OTUD5: variants seen among roughly 807,000 people sequenced by gnomAD.
OTUD5 encodes OTU deubiquitinase 5, also known as OTU domain-containing protein 5.
Under a neutral mutation model 36.3 loss-of-function variants are expected in OTUD5, and 2 were observed. The ratio of observed to expected loss-of-function variants is 0.06; its 90% CI spans 0.02 to 0.17. OTUD5 has a LOEUF of 0.17. OTUD5 is among the 10% of genes least tolerant of loss of function. The probability of loss-of-function intolerance (pLI) is 1.00; values close to 1 mark genes in which losing one functional copy is unlikely to be tolerated. For missense variants in OTUD5, 233 were observed against 512.3 expected (o/e 0.45, Z 5.26); for synonymous variants, 234 against 214.9 (o/e 1.09, Z -0.78).
At chrX:48,957,784 C>A, upstream of OTUD5, 1 of 787,723 alleles carries the variant, frequency 1.3e-6, no homozygotes, top group African/African-American at 2.3e-5. Flanking sequence ...AGAGGAGAAC[C>A]CGGATGTAAA....
intron 2 of OTUD5, among the ~76,000 whole-genome samples, chrX:48,937,438 T>C (rs994469757): frequency 7.1e-5 from 8 of 111,933 alleles, no homozygotes; most frequent in Non-Finnish European, 1.1e-4. Context: ...AGAAAGCCCA[T>C]CTCCTATGGA....
intron 5 of OTUD5, among the ~76,000 whole-genome samples, chrX:48,932,149 CA>C (rs1557048973): frequency 1.3e-5 from 1 of 74,734 alleles, no homozygotes; most frequent in Admixed American, 1.8e-4. Flanking sequence ...AACTTCGTCT[CA>C]AAAAAAAGAT....
rs782497163 is a variant in OTUD5, at chrX:48,957,382, A to G, written c.189T>C (p.Ala63=). 1 of 1,112,365 alleles carries G rather than the reference A, an allele frequency of 9.0e-7. No individual in the cohort carries two copies. The highest frequency in any genetic ancestry group is 3.0e-5 in the Admixed American group (1 of 33,291). 91.7% of individuals were successfully genotyped at this position (1,112,365 alleles called of 1,213,427 possible). A position where few individuals can be genotyped will look rare whatever the true frequency, so the allele number is the denominator to read the frequency against. The change falls in exon 1 of 9, where the codon GCT becomes GCC. Residue 63 remains alanine (A), a synonymous_variant. Coordinates refer to ENST00000376488, the MANE Select transcript of OTUD5 (RefSeq NM_001136157.2). ...GTAGCGGGCCTTGAGGCGGTGGCGA[A>G]GCTCGCGGACGGGCCCCCACGACGC... ...DSGVVGARPR[A]SPPPQGPLPG... is the part of the protein sequence containing the mutation.
intron 5 of OTUD5, among the ~76,000 whole-genome samples, chrX:48,926,952 A>C (rs1469290106): frequency 1.8e-5 from 2 of 111,939 alleles, no homozygotes; most frequent in Non-Finnish European, 3.8e-5. Context: ...ATCCCAGGGA[A>C]TAAGTGCAAA....
intron 1 of OTUD5, among the ~76,000 whole-genome samples, chrX:48,953,423 G>A (rs1292543194): frequency 9.0e-6 from 1 of 111,387 alleles, no homozygotes; most frequent in Non-Finnish European, 1.9e-5. Flanking sequence ...GCCACCTCCA[G>A]GTCCAGAGAA....
At chrX:48,936,169 A>G (rs1308943934) in intron 2 of OTUD5, 3 of 110,033 alleles carry the variant, frequency 2.7e-5, no homozygotes, top group African/African-American at 9.9e-5. Context: ...AGTAAAAGAG[A>G]TAAGACACAC....
At chrX:48,933,489 C>T (rs1557049276) in intron 5 of OTUD5, among the ~76,000 whole-genome samples, 1 of 107,802 alleles carries the variant, frequency 9.3e-6, no homozygotes, top group Non-Finnish European at 1.9e-5. Context: ...AATCTTGGCT[C>T]ACTGCAACCT....
intron 2 of OTUD5, among the ~76,000 whole-genome samples, chrX:48,939,408 C>T (rs2063881338): frequency 9.0e-6 from 1 of 111,646 alleles, no homozygotes; most frequent in African/African-American, 3.3e-5. Flanking sequence ...ACCTTACCCT[C>T]CCCATACACA....
intron 2 of OTUD5, among the ~76,000 whole-genome samples, chrX:48,936,626 G>A (rs2063834328): frequency 9.0e-6 from 1 of 111,342 alleles, no homozygotes; most frequent in African/African-American, 3.3e-5. Flanking sequence ...ATAGACTTCT[G>A]CCCGACCACA....
intron 1 of OTUD5, among the ~76,000 whole-genome samples, chrX:48,949,504 C>A (rs782544238): frequency 9.1e-6 from 1 of 110,026 alleles, no homozygotes; most frequent in African/African-American, 3.3e-5. Context: ...ATGGTGAAAC[C>A]CTATCTCTAC....
intron 1 of OTUD5, among the ~76,000 whole-genome samples, chrX:48,950,931 C>T (rs958112844): frequency 9.0e-6 from 1 of 110,755 alleles, no homozygotes; most frequent in Non-Finnish European, 1.9e-5. Context: ...AACTAACACA[C>T]CCCCCTTGGT....
At chrX:48,942,232 T>TACACACACACACAC (rs1484692862) in intron 2 of OTUD5, among the ~76,000 whole-genome samples, 11 of 19,862 alleles carry the variant, frequency 5.5e-4, no homozygotes, top group Non-Finnish European at 6.9e-4. Flanking sequence ...GCTAGCTAGA[T>TACACACACACACAC]ACACACACAC....
chrX:48,940,700 CAG>C (rs2063905006), intron 2 of OTUD5: 1 of 111,817 alleles, frequency 8.9e-6, no homozygotes, highest in African/African-American at 3.3e-5. Flanking sequence ...GGGAGAGATG[CAG>C]AGTCATGTTT....
chrX:48,930,091 G>A (rs1177330264), intron 5 of OTUD5, among the ~76,000 whole-genome samples: 2 of 111,105 alleles, frequency 1.8e-5, no homozygotes, highest in Non-Finnish European at 1.9e-5. Flanking sequence ...GCGACAGAGC[G>A]AGACTCTGTC....
intron 1 of OTUD5, among the ~76,000 whole-genome samples, chrX:48,950,327 G>A (rs1217824681): frequency 9.1e-6 from 1 of 109,995 alleles, no homozygotes; most frequent in Non-Finnish European, 1.9e-5. Context: ...CATATACAGA[G>A]AAGGCGATGG....
At chrX:48,936,747 G>A (rs1557050058) in intron 2 of OTUD5, among the ~76,000 whole-genome samples, 1 of 112,003 alleles carries the variant, frequency 8.9e-6, no homozygotes, top group Non-Finnish European at 1.9e-5. Flanking sequence ...TGGATAGGCT[G>A]GGTAAGCCAG....
chrX:48,951,115 G>T (rs1193516658), intron 1 of OTUD5, among the ~76,000 whole-genome samples: 1 of 96,296 alleles, frequency 1.0e-5, no homozygotes, highest in African/African-American at 3.8e-5. Flanking sequence ...CCTGCCTATG[G>T]ATGGATGAGC....
rs1557055619 is a variant in OTUD5 at position 48,957,109 on chromosome X, T to C, written c.462A>G (p.Gln154=). The C allele has an allele frequency of 1.7e-6, 2 of 1,174,151 alleles. No homozygotes were observed. Residue 154 remains glutamine, a synonymous_variant, in exon 1 of 9, where the codon CAA becomes CAG. Coordinates refer to ENST00000376488, the MANE Select transcript of OTUD5 (RefSeq NM_001136157.2). ...CGCCAACCGCGCCAACCCCGGGAGC[T>C]TGACGTCGCCGCTTGCTGTGCCCAG... ...SGPGHSKRRR[Q]APGVGAVGGG...
intron 5 of OTUD5, among the ~76,000 whole-genome samples, chrX:48,929,339 G>T (rs782608660): frequency 1.8e-5 from 2 of 110,143 alleles, no homozygotes; most frequent in South Asian, 7.6e-4. Flanking sequence ...AGTGAGCCGA[G>T]ATCGCACCAC....
Sources: gnomAD v4.1 joint callset for allele counts (sites outside exome capture counted in the v4.1 genomes callset) on GRCh38, gnomAD v4.1.1 for gene constraint, MANE v1.5 for transcripts, NCBI Gene and HGNC (gene_info 2026-07-23, HGNC 2026-07-21) for gene names.